DZIP1: variants seen among roughly 807,000 people sequenced by gnomAD.
The protein encoded by DZIP1 is DAZ interacting zinc finger protein 1.
Under a neutral mutation model 107.6 loss-of-function variants are expected in DZIP1, and 97 were observed. The observed-to-expected ratio is 0.90, with a 90% CI of 0.77 to 1.07. The LOEUF (loss-of-function observed/expected upper bound fraction) is 1.07, where lower values mean the gene tolerates loss of function less well. DZIP1 is among the 50% of genes least tolerant of loss of function. The pLI, the probability that DZIP1 is intolerant of heterozygous loss-of-function variation, is 0.00. For synonymous variants in DZIP1, 390 were observed against 386.4 expected (o/e 1.01, Z -0.11); for missense variants, 1,035 against 1,063.6 (o/e 0.97, Z 0.37).
At chr13:95,627,832 A>G (rs1319739024) in intron 7 of DZIP1, among the ~76,000 whole-genome samples, 1 of 152,246 alleles carries the variant, frequency 6.6e-6, no homozygotes, top group East Asian at 1.9e-4. Flanking sequence ...AAACTGCCAC[A>G]TGAATGTTTA....
In DZIP1 at chr13:95,641,673, G is replaced by T; in HGVS notation, c.219C>A (p.Ser73Arg). 6.2e-7 allele frequency: 1 copy of T among 1,605,964 alleles called. No homozygotes were observed. Among genetic ancestry groups the T allele is most frequent in the Non-Finnish European group, 8.5e-7 (1 of 1,179,856 alleles). ...RLESVDWRRLSAIDVDKVAGA... is the reference protein window; with the variant it reads ...RLESVDWRRLRAIDVDKVAGA... ...CCGCCACCTTGTCCACGTCGATGGCGCTCAGCCGCCGCCAGTCCACACTCT... is the reference window on the plus strand; with the variant it reads ...CCGCCACCTTGTCCACGTCGATGGCTCTCAGCCGCCGCCAGTCCACACTCT... The change falls in exon 5 of 23, where the codon AGC (serine) becomes AGA (arginine). Residue 73 changes from serine (S) to arginine (R), a missense_variant. By Grantham distance (110) the Ser-to-Arg change is moderately radical (BLOSUM62 -1). Transcript: ENST00000376829. The surrounding 1 kb of genome is among the most constrained non-coding windows in gnomAD (Gnocchi z 4.3).
chr13:95,638,262 G>T (rs1222795725), intron 5 of DZIP1, among the ~76,000 whole-genome samples: 1 of 151,748 alleles, frequency 6.6e-6, no homozygotes, highest in African/African-American at 2.4e-5. Context: ...GCTAATTTTT[G>T]TATTTTTAGT....
intron 5 of DZIP1, among the ~76,000 whole-genome samples, chr13:95,636,145 T>C (rs1877778560): frequency 6.8e-6 from 1 of 146,718 alleles, no homozygotes; most frequent in South Asian, 2.1e-4. Context: ...TCTATAAAAA[T>C]GATATGATTT....
intron 10 of DZIP1, among the ~76,000 whole-genome samples, chr13:95,616,790 C>A (rs1286981259): frequency 6.6e-6 from 1 of 151,998 alleles, no homozygotes; most frequent in Non-Finnish European, 1.5e-5. Flanking sequence ...GCTTCTCAAC[C>A]ACAGAATACG....
chr13:95,623,991 C>T (rs1029545335), intron 8 of DZIP1, among the ~76,000 whole-genome samples: 2 of 139,756 alleles, frequency 1.4e-5, no homozygotes, highest in Non-Finnish European at 3.1e-5. Flanking sequence ...AGAGGCCATT[C>T]AAAAACAGGT....
At chr13:95,588,461 C>T (rs2044223239) in intron 19 of DZIP1, among the ~76,000 whole-genome samples, 1 of 152,208 alleles carries the variant, frequency 6.6e-6, no homozygotes, top group African/African-American at 2.4e-5. Flanking sequence ...TAAAATTAGT[C>T]TTACTCATAA....
intron 21 of DZIP1, among the ~76,000 whole-genome samples, chr13:95,585,579 T>C (rs2044139357): frequency 6.6e-6 from 1 of 152,200 alleles, no homozygotes; most frequent in African/African-American, 2.4e-5. Flanking sequence ...TTTGGGCTTC[T>C]TCTCTAATGC....
At chr13:95,589,312 G>A (rs536504430) in intron 18 of DZIP1, 105 bp from the exon 19 acceptor site, 9 of 847,948 alleles carry the variant, frequency 1.1e-5, no homozygotes, top group South Asian at 5.1e-5. Context: ...ATACACTAAC[G>A]AGGAAGAGCA....
chr13:95,581,937 C>T lies in DZIP1; in HGVS notation c.*297G>A. 4.2e-6 allele frequency: 1 copy of T among 237,446 alleles called. No homozygotes were observed. 14.7% of individuals were successfully genotyped at this position (237,446 alleles called of 1,614,324 possible). A position where few individuals can be genotyped will look rare whatever the true frequency, so the allele number is the denominator to read the frequency against. ...ACTAAAAAATTAGTTGAAAAAAATA[C>T]ACTTAACACTAGAGTACCTTTCTGA... On this transcript the variant is annotated 3_prime_UTR_variant, in exon 23 of 23. Transcript: ENST00000376829.
chr13:95,616,100 C>T (rs755405342), intron 10 of DZIP1, among the ~76,000 whole-genome samples: 2 of 152,198 alleles, frequency 1.3e-5, no homozygotes, highest in Non-Finnish European at 2.9e-5. Flanking sequence ...GAGAACACTC[C>T]TTGCACAGTG....
chr13:95,606,720 A>T (rs926685308), intron 13 of DZIP1, among the ~76,000 whole-genome samples: 3 of 152,228 alleles, frequency 2.0e-5, no homozygotes, highest in African/African-American at 4.8e-5. Flanking sequence ...AAAATAAACC[A>T]GTTTTAAAAA....
chr13:95,587,876 G>A, intron 19 of DZIP1, 147 bp from the exon 20 acceptor site: 2 of 982,826 alleles, frequency 2.0e-6, no homozygotes, highest in South Asian at 1.8e-5. Context: ...GGCCAAGATG[G>A]CGGCGAGGCC....
rs553474145 is a variant in DZIP1, at chr13:95,581,900, TA to T, written c.*333del. 21 of 187,294 alleles carry T rather than the reference TA, an allele frequency of 1.1e-4. No homozygotes were observed. In the East Asian group the frequency reaches 1.6e-3, roughly 14 times the overall value. 11.6% of individuals were successfully genotyped at this position (187,294 alleles called of 1,614,324 possible). On this transcript the variant is annotated 3_prime_UTR_variant, in exon 23 of 23. Coordinates refer to ENST00000376829, the MANE Select transcript of DZIP1 (RefSeq NM_198968.4). ...TTCAAACCAAAACATGCTGTAAGTTTAAAAAAAATTCACTAAAAAATTAGTT... is the reference window on the plus strand; with the variant it reads ...TTCAAACCAAAACATGCTGTAAGTTTAAAAAAATTCACTAAAAAATTAGTT...
intron 1 of DZIP1, 87 bp downstream of exon 1, chr13:95,644,290 G>A (rs1167599043): frequency 6.6e-6 from 1 of 152,470 alleles, no homozygotes; most frequent in Non-Finnish European, 1.5e-5. Flanking sequence ...GCAGCCTGGA[G>A]AGGCAGGAGG....
rs2044204367 is a variant in DZIP1, at chr13:95,587,814, GT to G, written c.2028-86del. The stretch of plus-strand genomic sequence containing the variant: ...ATTAAGAGATGTGCCTCTTAAAGTG[GT>G]GGCACCTTTCTCAGGTAATTCTCAG... On this transcript the variant is annotated intron_variant, in intron 19 of 22. Transcript: ENST00000376829. 5.6e-6 allele frequency: 8 copies of G among 1,430,908 alleles called. 1 individual carries two copies. In the South Asian group the frequency reaches 1.1e-4, roughly 20 times the overall value. 88.6% of individuals were successfully genotyped at this position (1,430,908 alleles called of 1,614,324 possible). A position where few individuals can be genotyped will look rare whatever the true frequency, so the allele number is the denominator to read the frequency against.
Position 95,584,894 on chromosome 13 carries a change from T to C in DZIP1, c.2366A>G (p.Asp789Gly). 2 of 1,613,154 alleles carry C rather than the reference T, an allele frequency of 1.2e-6. No homozygotes were observed. Among genetic ancestry groups the C allele is most frequent in the Middle Eastern group, 1.6e-4 (1 of 6,062 alleles). The change falls in exon 22 of 23, where the codon GAT (aspartate) becomes GGT (glycine). Residue 789 changes from aspartate to glycine, a missense_variant. By Grantham distance (94) the Asp-to-Gly change is moderately conservative. Coordinates refer to ENST00000376829, the MANE Select transcript of DZIP1 (RefSeq NM_198968.4). ...TAGGGATGATATGTCCCAGTCTTCA[T>C]CCTCCACATCCGCACACTAAAAGAA... ...LQELKCADVE[D>G]EDWDISSLEE...
At chr13:95,584,033 G>C in intron 22 of DZIP1, among the ~76,000 whole-genome samples, 1 of 151,866 alleles carries the variant, frequency 6.6e-6, no homozygotes, top group Non-Finnish European at 1.5e-5. Context: ...CTGGAGTGCA[G>C]TGGCGTGATC....
intron 7 of DZIP1, among the ~76,000 whole-genome samples, chr13:95,625,967 TAA>T (rs775715417): frequency 5.0e-5 from 7 of 139,140 alleles, no homozygotes; most frequent in Non-Finnish European, 7.9e-5. Context: ...TACCAAAAAT[TAA>T]AAAAAAAAAA....
chr13:95,606,010 C>T lies in DZIP1; in HGVS notation c.1470G>A (p.Met490Ile), dbSNP rs559345536. The T allele has an allele frequency of 1.9e-6, 3 of 1,613,922 alleles. No homozygotes were observed. The highest frequency in any genetic ancestry group is 1.1e-5 in the South Asian group (1 of 91,046). The change falls in exon 14 of 23, where the codon ATG (methionine) becomes ATA (isoleucine). Residue 490 changes from methionine to isoleucine, a missense_variant. By Grantham distance (10) the Met-to-Ile change is conservative (BLOSUM62 1). Coordinates refer to ENST00000376829, the MANE Select transcript of DZIP1 (RefSeq NM_198968.4). Reference sequence around the variant, plus strand: ...ACTATTACTGAAACTTACCATGCACCATTGGCAGACTTGATTTAGTTTCCA... The same window carrying T: ...ACTATTACTGAAACTTACCATGCACTATTGGCAGACTTGATTTAGTTTCCA... Reference protein sequence around the residue: ...HTLETKSSLPMVHEQAFSSHI... With the variant: ...HTLETKSSLPIVHEQAFSSHI...
Sources: gnomAD v4.1 joint callset for allele counts (sites outside exome capture counted in the v4.1 genomes callset) on GRCh38, gnomAD v4.1.1 for gene constraint, Gnocchi (gnomAD v3.1) non-coding constraint, MANE v1.5 for transcripts, NCBI Gene and HGNC (gene_info 2026-07-23, HGNC 2026-07-21) for gene names.